The following LIPJ variants were observed in gnomAD, a reference collection of about 807,000 sequenced individuals.
The protein encoded by LIPJ is lipase family member J.
Under a neutral mutation model 39.8 loss-of-function variants are expected in LIPJ, and 33 were observed. That is an observed-to-expected ratio of 0.83 (90% CI 0.63 to 1.11). The LOEUF is 1.11. Among genes scored for constraint, LIPJ ranks in the 50% least tolerant of loss-of-function variants. LIPJ has a pLI of 0.00. For missense variants in LIPJ, 422 were observed against 427.9 expected, an observed-to-expected ratio of 0.99 and a Z score of 0.12; for synonymous variants, 128 against 139.2, an observed-to-expected ratio of 0.92 and a Z score of 0.57.
chr10:88,601,546 T>G (rs913940662), intron 8 of LIPJ, among the ~76,000 whole-genome samples: 1 of 152,112 alleles, frequency 6.6e-6, no homozygotes, highest in African/African-American at 2.4e-5. Context: ...ACTACCATTC[T>G]CTGTTTGGCT....
chr10:88,612,425 G>T, the LIPJ span, among the ~76,000 whole-genome samples: 16 of 152,018 alleles, frequency 1.1e-4, no homozygotes, highest in Non-Finnish European at 2.2e-4. Context: ...CCACTTAAAA[G>T]ATACAGAATG....
chr10:88,611,400 T>A (rs1410574926), downstream of LIPJ, among the ~76,000 whole-genome samples: 1 of 152,176 alleles, frequency 6.6e-6, no homozygotes, highest in African/African-American at 2.4e-5. Context: ...CAGCAATGGA[T>A]CCAAACCAAG....
At chr10:88,585,992 T>C (rs1286905723), upstream of LIPJ, among the ~76,000 whole-genome samples, 2 of 152,232 alleles carry the variant, frequency 1.3e-5, no homozygotes, top group Non-Finnish European at 2.9e-5. Context: ...TTCTTTTCCT[T>C]GAACACATCC....
At chr10:88,606,625 T>C in intron 10 of LIPJ, 49 bp from the exon 11 acceptor site, 2 of 1,096,610 alleles carry the variant, frequency 1.8e-6, no homozygotes, top group Non-Finnish European at 2.7e-6. Context: ...TAAAACCTTC[T>C]ACTGTATCAT....
At chr10:88,586,792 T>G (rs1850929626) in exon 1 of LIPJ, 1 of 152,182 alleles carries the variant, frequency 6.6e-6, no homozygotes. Flanking sequence ...ATCTGTTTGC[T>G]GGAAGATATA....
the LIPJ span, among the ~76,000 whole-genome samples, chr10:88,613,828 A>ATATGTG: frequency 1.7e-5 from 2 of 117,768 alleles, no homozygotes; most frequent in Admixed American, 9.4e-5. Context: ...ATATATATAT[A>ATATGTG]TGTGTGTATA....
At chr10:88,619,298 C>T in the LIPJ span, among the ~76,000 whole-genome samples, 3 of 150,442 alleles carry the variant, frequency 2.0e-5, no homozygotes, top group African/African-American at 7.3e-5. Context: ...ACTCCATTTA[C>T]TTTTCTATAA....
At chr10:88,607,059 T>A, downstream of LIPJ, 2 of 691,548 alleles carry the variant, frequency 2.9e-6, no homozygotes, top group Non-Finnish European at 4.1e-6. Context: ...CTCCAGTCAT[T>A]AAATCAGTGT....
intron 9 of LIPJ, among the ~76,000 whole-genome samples, chr10:88,604,827 A>G (rs1851609847): frequency 6.6e-6 from 1 of 152,194 alleles, no homozygotes; most frequent in Admixed American, 6.5e-5. Flanking sequence ...AATATAAATG[A>G]CATGTAAAGC....
rs1564935820 is a variant in LIPJ, at chr10:88,598,974, TATTACAATAATATAAA to T, written c.723+2041_723+2056del. 1.5e-3 allele frequency among the ~76,000 whole-genome samples: 210 copies of T among 143,094 alleles called. 3 individuals are homozygous for T. Among genetic ancestry groups the T allele is most frequent in the African/African-American group, 5.2e-3 (198 of 37,812 alleles). 93.9% of individuals were successfully genotyped at this position (143,094 alleles called of 152,430 possible). A position where few individuals can be genotyped will look rare whatever the true frequency, so the allele number is the denominator to read the frequency against. Reference sequence around the variant, plus strand: ...TATTTAATAATATAATATATTATATTATTACAATAATATAAAATATTATATTATATTATAATAATAT... The same window carrying T: ...TATTTAATAATATAATATATTATATTATATTATATTATATTATAATAATAT... On this transcript the variant is annotated intron_variant, in intron 8 of 10. Coordinates refer to ENST00000371939, the Ensembl canonical transcript of LIPJ.
In LIPJ at chr10:88,605,624, C is replaced by G. The variant is rs375498884; in HGVS notation, c.796-9C>G. 5 of 1,600,706 alleles carry G rather than the reference C, an allele frequency of 3.1e-6. No homozygotes were observed. The East Asian group carries it at 8.9e-5, about 29-fold the overall frequency. ...AATGATATGGTCTTATTTTTTGTTT[C>G]TCTTTCAGCTTTTAAATTCTACTCA... On this transcript the variant is annotated splice_polypyrimidine_tract_variant and intron_variant, in intron 9 of 10. Transcript: ENST00000371939.
chr10:88,613,800 A>ATG, the LIPJ span, among the ~76,000 whole-genome samples: 228 of 74,130 alleles, frequency 3.1e-3, 5 homozygotes, highest in South Asian at 0.011. Flanking sequence ...ATATATATAT[A>ATG]TGTGTGTGTG....
At chr10:88,597,624 A>G (rs1273313291) in intron 8 of LIPJ, among the ~76,000 whole-genome samples, 1 of 151,944 alleles carries the variant, frequency 6.6e-6, no homozygotes, top group Admixed American at 6.6e-5. Context: ...AAAGATAGGT[A>G]TTCTCTTAAT....
chr10:88,606,593 C>T lies in LIPJ; in HGVS notation c.868-81C>T, dbSNP rs147659550. On this transcript the variant is annotated intron_variant, in intron 10 of 10. Coordinates refer to ENST00000371939, the Ensembl canonical transcript of LIPJ. ...CTTATTTTAAAACAGTATTTAAACT[C>T]ATCATTTTAACAATTAGTAATTAAA... 296 of 780,602 alleles carry T rather than the reference C, an allele frequency of 3.8e-4. No homozygotes were observed. The African/African-American group carries it at 4.8e-3, about 13-fold the overall frequency. 48.4% of individuals were successfully genotyped at this position (780,602 alleles called of 1,614,324 possible).
rs867851843 is a variant in LIPJ, at chr10:88,598,967, A to G, written c.723+2031A>G. On this transcript the variant is annotated intron_variant, in intron 8 of 10. Coordinates refer to ENST00000371939, the Ensembl canonical transcript of LIPJ. ...TATATTGTATTTAATAATATAATAT[A>G]TTATATTATTACAATAATATAAAAT... Among the ~76,000 whole-genome samples the G allele has an allele frequency of 7.6e-3, 1,114 of 145,720 alleles. 20 individuals are homozygous for G. The highest frequency in any genetic ancestry group is 0.026 in the African/African-American group (1,047 of 39,978).
chr10:88,584,809 G>T (rs2134529877), upstream of LIPJ, among the ~76,000 whole-genome samples: 1 of 152,290 alleles, frequency 6.6e-6, no homozygotes, highest in Admixed American at 6.5e-5. Flanking sequence ...GTTTTGCCAT[G>T]TTCCCCGGGT....
At chr10:88,615,746 A>C in the LIPJ span, among the ~76,000 whole-genome samples, 3 of 152,192 alleles carry the variant, frequency 2.0e-5, no homozygotes, top group Non-Finnish European at 4.4e-5. Context: ...CAAAACTCTT[A>C]AACACTGCTG....
At chr10:88,616,747 G>C in the LIPJ span, among the ~76,000 whole-genome samples, 1 of 152,232 alleles carries the variant, frequency 6.6e-6, no homozygotes, top group Non-Finnish European at 1.5e-5. Flanking sequence ...CTCTGGCCTG[G>C]AGAAGGGGAG....
At chr10:88,586,534 C>T (rs537199706), upstream of LIPJ, among the ~76,000 whole-genome samples, 11 of 152,312 alleles carry the variant, frequency 7.2e-5, no homozygotes, top group African/African-American at 2.2e-4. Context: ...TCTCTAACCA[C>T]TTGACCTAAA....
Sources: allele counts gnomAD v4.1 joint callset (sites outside exome capture counted in the v4.1 genomes callset), GRCh38; gene constraint gnomAD v4.1.1; transcripts MANE v1.5; gene names NCBI Gene and HGNC (gene_info 2026-07-23, HGNC 2026-07-21).